Variants in QTMAN observed in about 807,000 individuals in gnomAD.
The protein encoded by QTMAN is queuosine-tRNA mannosyltransferase, also known as tRNA-queuosine alpha-mannosyltransferase.
At chr2:144,145,544 C>A in the QTMAN span, 1 of 1,553,780 alleles carries the variant, frequency 6.4e-7, no homozygotes, top group South Asian at 1.2e-5. Flanking sequence ...AGCAAAGGGC[C>A]AAATATAATG....
At chr2:144,187,271 T>C in the QTMAN span, among the ~76,000 whole-genome samples, 1 of 152,232 alleles carries the variant, frequency 6.6e-6, no homozygotes, top group Non-Finnish European at 1.5e-5. Flanking sequence ...CCCTGGCTTC[T>C]GGTGACATAA....
At chr2:144,070,798 A>G in the QTMAN span, among the ~76,000 whole-genome samples, 4 of 152,162 alleles carry the variant, frequency 2.6e-5, no homozygotes, top group Non-Finnish European at 4.4e-5. Flanking sequence ...CCCATATATC[A>G]ATCTGGAAAT....
At chr2:144,147,411 C>T in the QTMAN span, among the ~76,000 whole-genome samples, 1,726 of 151,934 alleles carry the variant, frequency 0.011, 36 homozygotes, top group African/African-American at 0.038. Flanking sequence ...CTCTCTAAAA[C>T]TTACACTGAA....
the QTMAN span, among the ~76,000 whole-genome samples, chr2:144,010,923 G>A: frequency 1.3e-5 from 2 of 152,036 alleles, no homozygotes; most frequent in Non-Finnish European, 2.9e-5. Flanking sequence ...ACTCCCTGAC[G>A]GTGTAATTTA....
At chr2:144,136,466 G>A in the QTMAN span, among the ~76,000 whole-genome samples, 171 of 135,172 alleles carry the variant, frequency 1.3e-3, 2 homozygotes, top group African/African-American at 5.0e-3. Flanking sequence ...GGAGGAAGGA[G>A]AAAGGAGAAA....
the QTMAN span, among the ~76,000 whole-genome samples, chr2:143,995,571 T>C: frequency 6.6e-6 from 1 of 152,054 alleles, no homozygotes; most frequent in Non-Finnish European, 1.5e-5. Context: ...AAACTGAAGT[T>C]AGAGAGTAGA....
chr2:144,138,660 A>G, the QTMAN span, among the ~76,000 whole-genome samples: 6 of 152,186 alleles, frequency 3.9e-5, no homozygotes, highest in Non-Finnish European at 8.8e-5. Context: ...GAAGATGGAG[A>G]ATATGCACCC....
chr2:144,186,006 T>A, the QTMAN span, among the ~76,000 whole-genome samples: 7 of 152,264 alleles, frequency 4.6e-5, no homozygotes, highest in African/African-American at 1.7e-4. Context: ...TGAAGAAAAG[T>A]CAGTGCAGAA....
the QTMAN span, among the ~76,000 whole-genome samples, chr2:144,155,864 T>G: frequency 2.0e-5 from 3 of 151,560 alleles, no homozygotes; most frequent in Non-Finnish European, 4.4e-5. Context: ...ACAATAATAA[T>G]ATCTGCTTCG....
chr2:144,171,273 A>G, the QTMAN span, among the ~76,000 whole-genome samples: 3 of 152,170 alleles, frequency 2.0e-5, no homozygotes, highest in Non-Finnish European at 4.4e-5. Context: ...TATGTCAGAT[A>G]CCACAGCTTC....
the QTMAN span, among the ~76,000 whole-genome samples, chr2:144,032,659 A>T: frequency 2.0e-5 from 3 of 152,196 alleles, no homozygotes; most frequent in South Asian, 2.1e-4. Flanking sequence ...ACTGGAGAAG[A>T]AGTACATAAA....
the QTMAN span, among the ~76,000 whole-genome samples, chr2:144,310,851 T>C: frequency 6.6e-6 from 1 of 152,180 alleles, no homozygotes; most frequent in East Asian, 1.9e-4. Context: ...TAAATATCCA[T>C]ATGGAGATGT....
At chr2:143,938,308 T>A in the QTMAN span, 1 of 152,232 alleles carries the variant, frequency 6.6e-6, no homozygotes, top group Non-Finnish European at 1.5e-5. Context: ...GGATTTAAGA[T>A]ACTGGTTAAA....
chr2:144,150,528 T>C, the QTMAN span, among the ~76,000 whole-genome samples: 2 of 152,068 alleles, frequency 1.3e-5, no homozygotes, highest in Non-Finnish European at 2.9e-5. Flanking sequence ...CGACTAGCCA[T>C]ATGTGGTTAG....
At chr2:144,278,414 T>G in the QTMAN span, among the ~76,000 whole-genome samples, 1 of 152,170 alleles carries the variant, frequency 6.6e-6, no homozygotes, top group African/African-American at 2.4e-5. Context: ...TTCTGTAGTA[T>G]GAAAGGAAGG....
the QTMAN span, among the ~76,000 whole-genome samples, chr2:144,326,828 C>A: frequency 6.6e-6 from 1 of 152,056 alleles, no homozygotes; most frequent in Non-Finnish European, 1.5e-5. Flanking sequence ...TACACATGAT[C>A]TAGATGTAAA....
chr2:144,229,986 C>T, the QTMAN span, among the ~76,000 whole-genome samples: 1 of 152,016 alleles, frequency 6.6e-6, no homozygotes, highest in East Asian at 1.9e-4. Context: ...AAGCAGTATT[C>T]AAAGACAATC....
the QTMAN span, among the ~76,000 whole-genome samples, chr2:143,980,873 A>G: frequency 3.3e-5 from 5 of 152,218 alleles, no homozygotes; most frequent in Non-Finnish European, 7.3e-5. Flanking sequence ...AGAAACCATT[A>G]AAGTGAAATT....
At chr2:144,219,986 C>T in the QTMAN span, among the ~76,000 whole-genome samples, 1 of 152,074 alleles carries the variant, frequency 6.6e-6, no homozygotes, top group African/African-American at 2.4e-5. Context: ...TTTCTAGTCA[C>T]TATATATATT....
Sources: gnomAD v4.1 joint callset for allele counts (sites outside exome capture counted in the v4.1 genomes callset) on GRCh38, gnomAD v4.1.1 for gene constraint, MANE v1.5 for transcripts, NCBI Gene and HGNC (gene_info 2026-07-23, HGNC 2026-07-21) for gene names.